PMFBP1: variants seen among roughly 807,000 people sequenced by gnomAD.
The protein encoded by PMFBP1 is polyamine modulated factor 1 binding protein 1.
Under a neutral mutation model 137.8 loss-of-function variants are expected in PMFBP1, and 131 were observed. The observed-to-expected ratio is 0.95, with a 90% CI of 0.82 to 1.10. PMFBP1 has a LOEUF of 1.10. PMFBP1 is among the 50% of genes least tolerant of loss of function. PMFBP1 has a pLI of 0.00. For synonymous variants in PMFBP1, 490 were observed against 450.4 expected (o/e 1.09, Z -1.11); for missense variants, 1,199 against 1,175.4 (o/e 1.02, Z -0.29).
chr16:72,160,398 A>G (rs2043044276), intron 3 of PMFBP1, among the ~76,000 whole-genome samples: 1 of 152,210 alleles, frequency 6.6e-6, no homozygotes, highest in Non-Finnish European at 1.5e-5. Context: ...GTTCTCAAAA[A>G]TAATCACTTG....
the PMFBP1 span, among the ~76,000 whole-genome samples, chr16:72,182,495 C>CAAAAA: frequency 1.4e-5 from 1 of 74,060 alleles, no homozygotes; most frequent in Non-Finnish European, 2.6e-5. Flanking sequence ...AACTCTGCCT[C>CAAAAA]AAAAAAAAAA....
downstream of PMFBP1, among the ~76,000 whole-genome samples, chr16:72,118,904 G>GA (rs146013352): frequency 5.3e-5 from 8 of 150,524 alleles, no homozygotes; most frequent in African/African-American, 9.8e-5. Context: ...GTAATGGAAA[G>GA]AAAAAAAAAG....
intron 19 of PMFBP1, 132 bp downstream of exon 19, chr16:72,122,782 T>TG (rs1433198870): frequency 2.7e-6 from 2 of 746,184 alleles, no homozygotes; most frequent in Non-Finnish European, 4.3e-6. Context: ...ATTCGAGACC[T>TG]GGGGGTCTTT....
chr16:72,230,814 C>T, the PMFBP1 span, among the ~76,000 whole-genome samples: 3 of 152,130 alleles, frequency 2.0e-5, no homozygotes, highest in Non-Finnish European at 4.4e-5. Flanking sequence ...ACACAGTGAC[C>T]TCCCAACTGG....
chr16:72,182,832 C>G, the PMFBP1 span, among the ~76,000 whole-genome samples: 1 of 152,162 alleles, frequency 6.6e-6, no homozygotes. Flanking sequence ...GCTGGGTTTT[C>G]CTTTGCCCCT....
chr16:72,228,056 C>T, the PMFBP1 span, among the ~76,000 whole-genome samples: 1,245 of 152,232 alleles, frequency 8.2e-3, 23 homozygotes, highest in African/African-American at 0.026. Context: ...CTGTAGCTCC[C>T]CATCAAAGGT....
the PMFBP1 span, among the ~76,000 whole-genome samples, chr16:72,227,381 A>G: frequency 6.6e-6 from 1 of 152,176 alleles, no homozygotes; most frequent in Non-Finnish European, 1.5e-5. Context: ...TATGCTTCCA[A>G]TGATTAAAGG....
At chr16:72,197,299 T>C in the PMFBP1 span, among the ~76,000 whole-genome samples, 1 of 152,240 alleles carries the variant, frequency 6.6e-6, no homozygotes, top group Non-Finnish European at 1.5e-5. Context: ...ACATATTTAA[T>C]GTGCTTGACT....
intron 2 of PMFBP1, among the ~76,000 whole-genome samples, chr16:72,165,554 G>T (rs1220955285): frequency 3.3e-5 from 5 of 151,982 alleles, no homozygotes. Flanking sequence ...GAGTAGTTGG[G>T]ACTACAGGCA....
chr16:72,176,455 T>C (rs537362822), upstream of PMFBP1, among the ~76,000 whole-genome samples: 10 of 152,364 alleles, frequency 6.6e-5, no homozygotes, highest in Non-Finnish European at 1.0e-4. Context: ...TCCTAGCCTC[T>C]CTTGCAGCTA....
At chr16:72,130,398 C>T in intron 11 of PMFBP1, 41 bp from the exon 12 acceptor site, 1 of 1,612,848 alleles carries the variant, frequency 6.2e-7, no homozygotes, top group Non-Finnish European at 8.5e-7. Context: ...GACTTCAGTG[C>T]CCATGTGGGC....
chr16:72,192,816 C>T, the PMFBP1 span, among the ~76,000 whole-genome samples: 47 of 151,056 alleles, frequency 3.1e-4, no homozygotes, highest in Admixed American at 1.3e-3. Flanking sequence ...GCAGCGGAAT[C>T]GCTTGAACTC....
downstream of PMFBP1, among the ~76,000 whole-genome samples, chr16:72,117,430 T>C (rs1214400926): frequency 1.3e-5 from 2 of 152,172 alleles, no homozygotes; most frequent in Non-Finnish European, 1.5e-5. Context: ...GTAGAGTCTT[T>C]AGGGTTTTTT....
the PMFBP1 span, among the ~76,000 whole-genome samples, chr16:72,215,072 A>T: frequency 6.6e-6 from 1 of 152,190 alleles, no homozygotes; most frequent in African/African-American, 2.4e-5. Flanking sequence ...ATAATAAAAA[A>T]TACTATACAG....
chr16:72,153,853 A>T (rs944458722), intron 4 of PMFBP1, among the ~76,000 whole-genome samples: 1 of 149,114 alleles, frequency 6.7e-6, no homozygotes, highest in Non-Finnish European at 1.5e-5. Context: ...CCTCTTTGAT[A>T]ACCCTCAGAG....
chr16:72,119,509 G>A (rs543106738), intron 20 of PMFBP1, 155 bp from the exon 21 acceptor site: 726 of 1,518,280 alleles, frequency 4.8e-4, no homozygotes, highest in Non-Finnish European at 5.9e-4. Context: ...AAAGGCGGCT[G>A]TGGACCCAGG....
the PMFBP1 span, among the ~76,000 whole-genome samples, chr16:72,229,950 A>G: frequency 2.6e-5 from 4 of 152,216 alleles, no homozygotes; most frequent in African/African-American, 9.6e-5. Context: ...CCAGCAGCAC[A>G]TATTACCAGA....
At chr16:72,169,934 C>T (rs1214299102) in intron 2 of PMFBP1, among the ~76,000 whole-genome samples, 1 of 151,942 alleles carries the variant, frequency 6.6e-6, no homozygotes, top group Non-Finnish European at 1.5e-5. Flanking sequence ...ATTGGCACAC[C>T]CTGTAAGTAT....
intron 4 of PMFBP1, among the ~76,000 whole-genome samples, chr16:72,152,388 C>A (rs922101694): frequency 1.4e-4 from 21 of 152,156 alleles, no homozygotes; most frequent in African/African-American, 4.3e-4. Context: ...ACCACATTTC[C>A]TAGGCTTCCT....
Sources: allele counts gnomAD v4.1 joint callset (sites outside exome capture counted in the v4.1 genomes callset), GRCh38; gene constraint gnomAD v4.1.1; transcripts MANE v1.5; gene names NCBI Gene and HGNC (gene_info 2026-07-23, HGNC 2026-07-21).